The following PCSK7 variants were observed in gnomAD, a reference collection of about 807,000 sequenced individuals.
The protein encoded by PCSK7 is lymphoma proprotein convertase.
PCSK7 carries 38 observed loss-of-function variants against 73.3 expected under a neutral mutation model. That is an observed-to-expected ratio of 0.52 (90% confidence interval 0.40 to 0.68). The LOEUF (loss-of-function observed/expected upper bound fraction) is 0.68. Among genes scored for constraint, PCSK7 ranks in the 30% least tolerant of loss-of-function variants. PCSK7 has a pLI of 0.00. For synonymous variants in PCSK7, 296 were observed against 383.8 expected (o/e 0.77, Z 2.68); for missense variants, 692 against 991.5 (o/e 0.70, Z 4.06).
At chr11:117,224,835 G>A (rs1212224850) in intron 6 of PCSK7, 80 bp from the exon 7 acceptor site, 9 of 1,044,042 alleles carry the variant, frequency 8.6e-6, no homozygotes, top group Non-Finnish European at 1.4e-5. Context: ...GTCTCAGCTG[G>A]CTGCCCTTTG....
chr11:117,211,107 G>A (rs1050531527), intron 12 of PCSK7: 6 of 152,140 alleles, frequency 3.9e-5, no homozygotes, highest in African/African-American at 1.4e-4. Context: ...ACTGAGCAAG[G>A]ACAGGGGTGT....
In PCSK7 at chr11:117,204,609, T is replaced by C; in HGVS notation, c.*1388A>G. 1 of 599,776 alleles carries C rather than the reference T, an allele frequency of 1.7e-6. No individual in the cohort carries two copies. Among genetic ancestry groups the C allele is most frequent in the East Asian group, 3.2e-5 (1 of 31,554 alleles). The allele number at this position is 599,776 out of a possible 1,614,324, so 37.2% of individuals were successfully genotyped here. A position where few individuals can be genotyped will look rare whatever the true frequency, so the allele number is the denominator to read the frequency against. On this transcript the variant is annotated 3_prime_UTR_variant, in exon 17 of 17. Transcript: ENST00000320934. ...GGCTGCCCCCATCACCTCTACTGTC[T>C]CCTCCCTGGGCTAAGCAGGGGAGAA...
At position 117,206,060 on chromosome 11, in the gene PCSK7, G is replaced by A. The variant is rs749957549; in HGVS notation, c.2295C>T (p.Ser765=). The A allele has an allele frequency of 1.0e-5, 15 of 1,442,354 alleles. No homozygotes were observed. The highest frequency in any genetic ancestry group is 4.7e-5 in the East Asian group (2 of 42,320). 89.3% of individuals were successfully genotyped at this position (1,442,354 alleles called of 1,614,324 possible). ...GGTGCTGATGAGGGCAGTCCAGGGC[G>A]CTCTTGTTCTGGGACAGGCTCCAGT... ...QGDWSLSQNK[S]ALDCPHQHLD... The change falls in exon 17 of 17, where the codon AGC becomes AGT. Residue 765 remains serine, a synonymous_variant. Coordinates refer to ENST00000320934, the MANE Select transcript of PCSK7 (RefSeq NM_004716.4).
intron 16 of PCSK7, 131 bp downstream of exon 16, chr11:117,206,550 T>C: frequency 1.5e-6 from 1 of 679,184 alleles, no homozygotes; most frequent in Non-Finnish European, 2.4e-6. Context: ...AGCAATGCTA[T>C]GAAACCACTG....
chr11:117,230,056 C>A (rs1271739396), intron 2 of PCSK7, 200 bp from the exon 3 acceptor site: 2 of 515,390 alleles, frequency 3.9e-6, no homozygotes, highest in Non-Finnish European at 6.8e-6. Context: ...GGAGTGTGGG[C>A]CAGCACTAAC....
At chr11:117,224,907 A>C (rs2032353773) in intron 6 of PCSK7, 152 bp from the exon 7 acceptor site, 1 of 666,404 alleles carries the variant, frequency 1.5e-6, no homozygotes, top group East Asian at 2.6e-5. Context: ...TAAAAGGCAC[A>C]GGGTTCAAAG....
intron 7 of PCSK7, 97 bp downstream of exon 7, chr11:117,224,604 G>A (rs2032338281): frequency 2.1e-6 from 2 of 970,196 alleles, no homozygotes; most frequent in South Asian, 2.6e-5. Context: ...ACTGAGCGTG[G>A]AGGTGGAGTG....
chr11:117,225,960 G>A lies in PCSK7; in HGVS notation c.831C>T (p.His277=), dbSNP rs1458832421. ...DSMEAVAFNK[H]YQINDIYSCS... is the part of the protein sequence containing the mutation. Reference sequence around the variant, plus strand: ...AGCTGTAGATGTCATTGATCTGATAGTGCTTGTTGAACGCCACTGCCTCCA... The same window carrying A: ...AGCTGTAGATGTCATTGATCTGATAATGCTTGTTGAACGCCACTGCCTCCA... Residue 277 remains histidine (H), a synonymous_variant, in exon 6 of 17, where the codon CAC becomes CAT. Coordinates refer to ENST00000320934, the MANE Select transcript of PCSK7 (RefSeq NM_004716.4). 5 of 1,611,344 alleles carry A rather than the reference G, an allele frequency of 3.1e-6. No homozygotes were observed. The highest frequency in any genetic ancestry group is 4.2e-6 in the Non-Finnish European group (5 of 1,177,466).
At chr11:117,217,346 A>G (rs1318176817) in intron 12 of PCSK7, 3 of 152,202 alleles carry the variant, frequency 2.0e-5, no homozygotes, top group Non-Finnish European at 4.4e-5. Context: ...CACTATCTCT[A>G]AGACACGCAA....
Position 117,223,237 on chromosome 11 carries a change from T to C in PCSK7, c.1126A>G (p.Ser376Gly). ...ECASMLAVTF[S>G]GGDKMLRSIV... is the part of the protein sequence containing the mutation. ...CTCCGAAGCATCTTGTCCCCACCACTGAAGGTGACTGCCAGCATGGAGGCA... is the reference window on the plus strand; with the variant it reads ...CTCCGAAGCATCTTGTCCCCACCACCGAAGGTGACTGCCAGCATGGAGGCA... Residue 376 changes from serine to glycine, a missense_variant, in exon 9 of 17, where the codon AGT (serine) becomes GGT (glycine). This residue lies in a region of PCSK7 where 574 missense variants were observed against 689.8 expected (regional missense o/e 0.83). Coordinates refer to ENST00000320934, the MANE Select transcript of PCSK7 (RefSeq NM_004716.4). The C allele has an allele frequency of 6.2e-7, 1 of 1,613,374 alleles. No individual in the cohort carries two copies. The highest frequency in any genetic ancestry group is 8.5e-7 in the Non-Finnish European group (1 of 1,179,354).
chr11:117,218,765 C>T lies in PCSK7; in HGVS notation c.1432-197G>A. On this transcript the variant is annotated intron_variant, in intron 11 of 16. Transcript: ENST00000320934. This position sits in a 1 kb window ranked among gnomAD's most constrained non-coding sequence, Gnocchi z 4.0. ...TCCGTACAGCCCCCAGCTAAGGAACCAGAGGAAACAGCTGTGTCCAGGGTG... is the reference window on the plus strand; with the variant it reads ...TCCGTACAGCCCCCAGCTAAGGAACTAGAGGAAACAGCTGTGTCCAGGGTG... 5.3e-6 allele frequency: 3 copies of T among 566,430 alleles called. No homozygotes were observed. The highest frequency in any genetic ancestry group is 6.3e-6 in the Non-Finnish European group (2 of 317,830). 35.1% of individuals were successfully genotyped at this position (566,430 alleles called of 1,614,324 possible).
chr11:117,214,570 G>A (rs1363517730), intron 12 of PCSK7: 1 of 152,194 alleles, frequency 6.6e-6, no homozygotes, highest in Non-Finnish European at 1.5e-5. Flanking sequence ...CTCATTAATA[G>A]GGTCAGAGTG....
Position 117,204,684 on chromosome 11 carries a change from C to T in PCSK7, c.*1313G>A, listed in dbSNP as rs147339157. 2.6e-4 allele frequency: 103 copies of T among 403,262 alleles called. No individual in the cohort carries two copies. In the East Asian group the frequency reaches 3.9e-3, roughly 15 times the overall value. 25.0% of individuals were successfully genotyped at this position (403,262 alleles called of 1,614,324 possible). On this transcript the variant is annotated 3_prime_UTR_variant, in exon 17 of 17. Coordinates refer to ENST00000320934, the MANE Select transcript of PCSK7 (RefSeq NM_004716.4). The stretch of plus-strand genomic sequence containing the variant: ...GGGCCAAGTCCACTGTCCTCCTTGG[C>T]GGCAAAAGCCCATTGAAGAAGAACC...
chr11:117,219,878 G>A, intron 9 of PCSK7, 120 bp from the exon 10 acceptor site: 1 of 649,336 alleles, frequency 1.5e-6, no homozygotes. Context: ...TTGAGCACAG[G>A]AGTTATGACT....
At chr11:117,225,873 G>T in intron 6 of PCSK7, 58 bp downstream of exon 6, 3 of 1,117,534 alleles carry the variant, frequency 2.7e-6, no homozygotes, top group Non-Finnish European at 4.1e-6. Flanking sequence ...GGATTTTGTT[G>T]GCGGATTTGT....
chr11:117,227,215 C>T lies in PCSK7; in HGVS notation c.711G>A (p.Ala237=), dbSNP rs45528535. The T allele has an allele frequency of 0.011, 17,022 of 1,612,736 alleles. 719 individuals are homozygous for T. The African/African-American group carries it at 0.13, about 12-fold the overall frequency. The change falls in exon 5 of 17, where the codon GCG becomes GCA. Residue 237 remains alanine, a synonymous_variant. Transcript: ENST00000320934. ...CACAGAAGCTGTTGTTGGGCACAGC[C>T]GCGATCTCTCCTGCACATCGCGTGC... ...HHGTRCAGEI[A]AVPNNSFCAV...
rs147033310 is a variant in PCSK7 at position 117,225,939 on chromosome 11, G to A, written c.852C>T (p.Tyr284=). 1.9e-6 allele frequency: 3 copies of A among 1,600,070 alleles called. No individual in the cohort carries two copies. Among genetic ancestry groups the A allele is most frequent in the Admixed American group, 1.7e-5 (1 of 59,966 alleles). The change falls in exon 6 of 17, where the codon TAC becomes TAT. Residue 284 remains tyrosine (Y), a synonymous_variant. Transcript: ENST00000320934. ...FNKHYQINDI[Y]SCSWGPDDDG... is the part of the protein sequence containing the mutation. Reference sequence around the variant, plus strand: ...CTGCAGCTCTGCCTCACCTGCAGCTGTAGATGTCATTGATCTGATAGTGCT... The same window carrying A: ...CTGCAGCTCTGCCTCACCTGCAGCTATAGATGTCATTGATCTGATAGTGCT...
In PCSK7 at chr11:117,229,754, G is replaced by A; in HGVS notation, c.91C>T (p.Leu31=). 6.2e-7 allele frequency: 1 copy of A among 1,613,800 alleles called. No individual in the cohort carries two copies. Among genetic ancestry groups the A allele is most frequent in the Non-Finnish European group, 8.5e-7 (1 of 1,179,762 alleles). Residue 31 remains leucine, a synonymous_variant, in exon 3 of 17, where the codon CTG becomes TTG. Coordinates refer to ENST00000320934, the MANE Select transcript of PCSK7 (RefSeq NM_004716.4). ...GCCAGGCCCATGACCCAGGGAACCA[G>A]TAAGAAGAGCCCGGCTAATTCCAGC... ...LWLELAGLFL[L]VPWVMGLAGT... is the part of the protein sequence containing the mutation.
intron 6 of PCSK7, chr11:117,225,103 C>T: frequency 5.7e-6 from 1 of 176,208 alleles, no homozygotes; most frequent in Non-Finnish European, 1.1e-5. Context: ...CCTCTGTTGC[C>T]CAGGCTGAAG....
Sources: allele counts gnomAD v4.1 joint callset, GRCh38; gene constraint gnomAD v4.1.1; regional missense constraint gnomAD v4.1.1; non-coding constraint Gnocchi (gnomAD v3.1); transcripts MANE v1.5; gene names NCBI Gene and HGNC (gene_info 2026-07-23, HGNC 2026-07-21).